The following TXNRD1 variants were observed in gnomAD, a reference collection of about 807,000 sequenced individuals.
The protein encoded by TXNRD1 is thioredoxin reductase 1, cytoplasmic.
TXNRD1 carries 57 observed loss-of-function variants against 80.3 expected under a neutral mutation model. The ratio of observed to expected loss-of-function variants is 0.71; its 90% CI spans 0.57 to 0.89. The LOEUF (loss-of-function observed/expected upper bound fraction) is 0.89, where lower values mean the gene tolerates loss of function less well. Among genes scored for constraint, TXNRD1 ranks in the 40% least tolerant of loss-of-function variants. The pLI is 0.00. For missense variants in TXNRD1, 730 were observed against 803.0 expected (o/e 0.91, Z 1.10); for synonymous variants, 291 against 285.2 (o/e 1.02, Z -0.20).
At chr12:104,313,055 A>G (rs2035196036) in intron 5 of TXNRD1, among the ~76,000 whole-genome samples, 190 bp from the exon 6 acceptor site, 1 of 152,198 alleles carries the variant, frequency 6.6e-6, no homozygotes, top group East Asian at 1.9e-4. Context: ...TACTCTCAGA[A>G]CTATCTGAAT....
chr12:104,234,135 AC>A (rs2032684109), intron 1 of TXNRD1, among the ~76,000 whole-genome samples: 1 of 152,204 alleles, frequency 6.6e-6, no homozygotes, highest in Admixed American at 6.6e-5. Context: ...ACAAAGCAAG[AC>A]AATTTGTTTG....
intron 16 of TXNRD1, among the ~76,000 whole-genome samples, chr12:104,342,032 C>T (rs771104727): frequency 3.3e-5 from 5 of 152,198 alleles, no homozygotes; most frequent in African/African-American, 4.8e-5. Context: ...TCCATGTCCT[C>T]TCTAGGTGTG....
intron 4 of TXNRD1, among the ~76,000 whole-genome samples, chr12:104,303,396 CA>C (rs1056970683): frequency 6.6e-6 from 1 of 152,194 alleles, no homozygotes; most frequent in Non-Finnish European, 1.5e-5. Flanking sequence ...ATTTAGTTCA[CA>C]AAAAACCAAA....
chr12:104,312,883 C>G (rs190451844), intron 5 of TXNRD1, among the ~76,000 whole-genome samples: 24 of 152,220 alleles, frequency 1.6e-4, no homozygotes, highest in African/African-American at 4.6e-4. Flanking sequence ...ATCAGTAAAC[C>G]TGCTTTTTCA....
chr12:104,287,107 C>G (rs1019247873), intron 3 of TXNRD1: 9 of 1,461,272 alleles, frequency 6.2e-6, no homozygotes, highest in South Asian at 1.4e-5. Context: ...TTCTCAAATT[C>G]TTGTAAGCTC....
At chr12:104,313,475 A>G (rs2035212301) in intron 6 of TXNRD1, among the ~76,000 whole-genome samples, 158 bp downstream of exon 6, 1 of 152,262 alleles carries the variant, frequency 6.6e-6, no homozygotes, top group Non-Finnish European at 1.5e-5. Context: ...CCAAGTTAAA[A>G]TGGATCAGGT....
intron 7 of TXNRD1, 81 bp downstream of exon 7, chr12:104,315,977 A>T: frequency 6.8e-7 from 1 of 1,466,926 alleles, no homozygotes; most frequent in South Asian, 1.2e-5. Flanking sequence ...GTCCATTTTC[A>T]TGAAGATAGC....
intron 4 of TXNRD1, among the ~76,000 whole-genome samples, chr12:104,294,118 C>T (rs2034336404): frequency 6.6e-6 from 1 of 151,798 alleles, no homozygotes. Flanking sequence ...CACTGAAGCA[C>T]AGCATCACAG....
chr12:104,255,032 G>A (rs1565864537), intron 2 of TXNRD1, among the ~76,000 whole-genome samples: 2 of 152,012 alleles, frequency 1.3e-5, no homozygotes, highest in Non-Finnish European at 2.9e-5. Flanking sequence ...TTAAAACTCA[G>A]GAAGCTGAGG....
At chr12:104,269,079 AT>A (rs2033598275) in intron 3 of TXNRD1, among the ~76,000 whole-genome samples, 1 of 150,520 alleles carries the variant, frequency 6.6e-6, no homozygotes, top group Non-Finnish European at 1.5e-5. Flanking sequence ...TAATTTTTGT[AT>A]TTTTAGTAGA....
intron 3 of TXNRD1, among the ~76,000 whole-genome samples, chr12:104,274,547 A>C (rs1177965419): frequency 6.6e-6 from 1 of 151,876 alleles, no homozygotes; most frequent in Non-Finnish European, 1.5e-5. Context: ...ATACAAAAAA[A>C]AATTAGCTGG....
At chr12:104,226,691 G>A (rs2032481376) in intron 1 of TXNRD1, among the ~76,000 whole-genome samples, 1 of 152,186 alleles carries the variant, frequency 6.6e-6, no homozygotes, top group African/African-American at 2.4e-5. Flanking sequence ...AAAATGAAGT[G>A]AATGGATGAA....
At chr12:104,264,986 G>A (rs7970440) in intron 3 of TXNRD1, among the ~76,000 whole-genome samples, 47,844 of 152,016 alleles carry the variant, frequency 0.31, 7,934 homozygotes, top group East Asian at 0.65. Context: ...AGGTGCAGTG[G>A]CTCCTGCCTG....
rs1009510625 is a variant in TXNRD1 at position 104,230,634 on chromosome 12, C to G, written c.91+14741C>G. ...CTTTGGATAAATGTCTGTTCAAAGTCTTTTTCCATTTTTTAATTGGGTTTT... is the reference window on the plus strand; with the variant it reads ...CTTTGGATAAATGTCTGTTCAAAGTGTTTTTCCATTTTTTAATTGGGTTTT... On this transcript the variant is annotated intron_variant, in intron 1 of 16. Coordinates refer to ENST00000525566, the MANE Select transcript of TXNRD1 (RefSeq NM_001093771.3). 3.3e-5 allele frequency among the ~76,000 whole-genome samples: 5 copies of G among 152,064 alleles called. No homozygotes were observed. The East Asian group carries it at 9.6e-4, about 29-fold the overall frequency.
rs1255064738 is a variant in TXNRD1, at chr12:104,289,004, A to G, written c.378A>G (p.Lys126=). The G allele has an allele frequency of 6.2e-7, 1 of 1,614,028 alleles. No individual in the cohort carries two copies. The highest frequency in any genetic ancestry group is 1.7e-5 in the Admixed American group (1 of 60,022). Residue 126 remains lysine (K), a synonymous_variant, in exon 4 of 17, where the codon AAA becomes AAG. Transcript: ENST00000525566. The part of the protein sequence containing the change: ...AETDLPVVFV[K]QRKIGGHGPT... ...CCGATCTGCCCGTTGTGTTTGTGAAACAGAGAAAGATAGGCGGCCATGGTC... is the reference window on the plus strand; with the variant it reads ...CCGATCTGCCCGTTGTGTTTGTGAAGCAGAGAAAGATAGGCGGCCATGGTC...
intron 4 of TXNRD1, among the ~76,000 whole-genome samples, chr12:104,310,786 G>A (rs962102487): frequency 6.6e-6 from 1 of 152,160 alleles, no homozygotes; most frequent in African/African-American, 2.4e-5. Context: ...TACAAAAGCA[G>A]CAACTTTCAC....
At chr12:104,270,768 G>C (rs143408664) in intron 3 of TXNRD1, among the ~76,000 whole-genome samples, 1 of 152,146 alleles carries the variant, frequency 6.6e-6, no homozygotes, top group East Asian at 1.9e-4. Flanking sequence ...GCCACTTAAT[G>C]GTCAACATTG....
chr12:104,255,955 G>C (rs4964728), intron 2 of TXNRD1, among the ~76,000 whole-genome samples: 182 of 152,170 alleles, frequency 1.2e-3, no homozygotes, highest in African/African-American at 4.2e-3. Flanking sequence ...ATTAATTTTC[G>C]ATGTCTTTGG....
chr12:104,315,023 G>T (rs76647930), intron 6 of TXNRD1, among the ~76,000 whole-genome samples: 1 of 152,060 alleles, frequency 6.6e-6, no homozygotes, highest in Non-Finnish European at 1.5e-5. Flanking sequence ...GATTACAGGC[G>T]TGAGCCACCA....
Sources: gnomAD v4.1 joint callset for allele counts (sites outside exome capture counted in the v4.1 genomes callset) on GRCh38, gnomAD v4.1.1 for gene constraint, MANE v1.5 for transcripts, NCBI Gene and HGNC (gene_info 2026-07-23, HGNC 2026-07-21) for gene names.